PIK3CD: variants seen among roughly 807,000 people sequenced by gnomAD.
The protein encoded by PIK3CD is phosphatidylinositol-4,5-bisphosphate 3-kinase catalytic subunit delta.
A neutral mutation model predicts 122.9 loss-of-function variants in PIK3CD; 20 were observed. The ratio of observed to expected loss-of-function variants is 0.16; its 90% CI spans 0.11 to 0.24. PIK3CD has a LOEUF of 0.24. Among genes scored for constraint, PIK3CD ranks in the 10% least tolerant of loss-of-function variants. PIK3CD has a pLI of 1.00. For missense variants in PIK3CD, 787 were observed against 1,406.3 expected, an observed-to-expected ratio of 0.56 and a Z score of 7.04; for synonymous variants, 596 against 593.4, an observed-to-expected ratio of 1.00 and a Z score of -0.06.
chr1:9,627,883 A>C, the PIK3CD span, among the ~76,000 whole-genome samples: 3 of 152,216 alleles, frequency 2.0e-5, no homozygotes, highest in Non-Finnish European at 2.9e-5. Context: ...CCACGGCTAC[A>C]GGGAACAGAG....
rs1413977693 is a variant in PIK3CD, at chr1:9,720,736, C to T, written c.1522-6C>T. 1 of 1,611,362 alleles carries T rather than the reference C, an allele frequency of 6.2e-7. No homozygotes were observed. The highest frequency in any genetic ancestry group is 8.5e-7 in the Non-Finnish European group (1 of 1,179,312). ...CAGAGCCCTCACTCCTGCCCACACCCCTCAGCAGCTGCAGCTGCGGGAAAT... is the reference window on the plus strand; with the variant it reads ...CAGAGCCCTCACTCCTGCCCACACCTCTCAGCAGCTGCAGCTGCGGGAAAT... On this transcript the variant is annotated splice_region_variant and splice_polypyrimidine_tract_variant and intron_variant, in intron 12 of 23. Coordinates refer to ENST00000377346, the MANE Select transcript of PIK3CD (RefSeq NM_005026.5). This position sits in a 1 kb window ranked among gnomAD's most constrained non-coding sequence, Gnocchi z 9.0.
At chr1:9,672,146 C>T (rs748151870) in intron 1 of PIK3CD, among the ~76,000 whole-genome samples, 36 of 152,152 alleles carry the variant, frequency 2.4e-4, no homozygotes, top group Non-Finnish European at 3.7e-4. Flanking sequence ...GACCTGCAGC[C>T]GCCCACCCCA....
At chr1:9,682,612 C>T (rs1202814354) in intron 1 of PIK3CD, among the ~76,000 whole-genome samples, 1 of 152,188 alleles carries the variant, frequency 6.6e-6, no homozygotes, top group Non-Finnish European at 1.5e-5. Flanking sequence ...TGCAGTGGCA[C>T]GATTTCAGCT....
intron 1 of PIK3CD, among the ~76,000 whole-genome samples, chr1:9,664,493 A>C (rs140121566): frequency 6.6e-6 from 1 of 152,346 alleles, no homozygotes; most frequent in Non-Finnish European, 1.5e-5. Flanking sequence ...AGCCCTGCAC[A>C]GATACAGGGG....
chr1:9,633,423 T>C, the PIK3CD span, among the ~76,000 whole-genome samples: 1 of 152,276 alleles, frequency 6.6e-6, no homozygotes, highest in African/African-American at 2.4e-5. Flanking sequence ...TTCTCCTGCC[T>C]CAGCCTCCCT....
intron 1 of PIK3CD, among the ~76,000 whole-genome samples, chr1:9,673,405 G>A (rs1645398202): frequency 6.6e-6 from 1 of 151,996 alleles, no homozygotes; most frequent in Admixed American, 6.6e-5. Context: ...GATTACAGTC[G>A]TGCACAACGC....
rs569192532 is a variant in PIK3CD at position 9,718,990 on chromosome 1, C to A, written c.1242+75C>A. The A allele has an allele frequency of 3.9e-5, 55 of 1,394,786 alleles. 1 individual carries two copies. In the South Asian group the frequency reaches 6.1e-4, roughly 16 times the overall value. The allele number at this position is 1,394,786 out of a possible 1,614,324, so 86.4% of individuals were successfully genotyped here. ...CAGCCCCTTGCTGGGCCACTCACCA[C>A]TCTCCTCCCGGCAAGCACGCAGCCT... On this transcript the variant is annotated intron_variant, in intron 9 of 23. Transcript: ENST00000377346. This position sits in a 1 kb window ranked among gnomAD's most constrained non-coding sequence, Gnocchi z 7.2.
the PIK3CD span, among the ~76,000 whole-genome samples, chr1:9,633,511 T>A: frequency 2.7e-3 from 409 of 151,868 alleles, 4 homozygotes; most frequent in African/African-American, 9.4e-3. Flanking sequence ...GTTTCACTAT[T>A]TTGGCCAGGC....
intron 2 of PIK3CD, among the ~76,000 whole-genome samples, chr1:9,703,611 A>T (rs765066761): frequency 5.9e-5 from 9 of 152,102 alleles, no homozygotes; most frequent in Admixed American, 1.3e-4. Context: ...ATGAACACAT[A>T]TTTTTTTTGT....
intron 1 of PIK3CD, chr1:9,653,395 A>C (rs1644737952): frequency 5.2e-6 from 1 of 193,890 alleles, no homozygotes; most frequent in African/African-American, 2.4e-5. Context: ...GGCTCAGAAA[A>C]GTTAAATAAC....
chr1:9,634,893 G>T, the PIK3CD span, among the ~76,000 whole-genome samples: 1 of 152,136 alleles, frequency 6.6e-6, no homozygotes, highest in African/African-American at 2.4e-5. Context: ...CCCAAAATTT[G>T]TGCTTACCCA....
rs1242742217 is a variant in PIK3CD at position 9,652,408 on chromosome 1, C to T, written c.-138+606C>T. 6.6e-6 allele frequency among the ~76,000 whole-genome samples: 1 copy of T among 152,088 alleles called. No individual in the cohort carries two copies. Among genetic ancestry groups the T allele is most frequent in the African/African-American group, 2.4e-5 (1 of 41,426 alleles). Reference sequence around the variant, plus strand: ...GCAGAGGGGCCGGGGTGGAAGTTTTCGGGGCTTCCTCCCGGCTCGTGGACC... The same window carrying T: ...GCAGAGGGGCCGGGGTGGAAGTTTTTGGGGCTTCCTCCCGGCTCGTGGACC... On this transcript the variant is annotated intron_variant, in intron 1 of 23. Coordinates refer to ENST00000377346, the MANE Select transcript of PIK3CD (RefSeq NM_005026.5). This position sits in a 1 kb window ranked among gnomAD's most constrained non-coding sequence, Gnocchi z 6.2.
Position 9,722,228 on chromosome 1 carries a change from C to G in PIK3CD, c.2235-16C>G. 6.2e-7 allele frequency: 1 copy of G among 1,611,840 alleles called. No homozygotes were observed. Among genetic ancestry groups the G allele is most frequent in the Non-Finnish European group, 8.5e-7 (1 of 1,179,054 alleles). On this transcript the variant is annotated splice_polypyrimidine_tract_variant and intron_variant, in intron 17 of 23. Transcript: ENST00000377346. This position sits in a 1 kb window ranked among gnomAD's most constrained non-coding sequence, Gnocchi z 7.6. ...TAGAGGAGCCCCTGCTGACTGCCCGCTCTCTGGCCTGGCAGCGTGGAGCAG... is the reference window on the plus strand; with the variant it reads ...TAGAGGAGCCCCTGCTGACTGCCCGGTCTCTGGCCTGGCAGCGTGGAGCAG...
In PIK3CD at chr1:9,716,460, G is replaced by A; in HGVS notation, c.621G>A (p.Val207=). The A allele has an allele frequency of 1.9e-6, 3 of 1,611,092 alleles. No individual in the cohort carries two copies. Among genetic ancestry groups the A allele is most frequent in the Non-Finnish European group, 1.7e-6 (2 of 1,179,926 alleles). Residue 207 remains valine (V), a synonymous_variant, in exon 6 of 24, where the codon GTG becomes GTA. Transcript: ENST00000377346. ...CACAGGAGAGCTTCACCTTCCAGGT[G>A]TCCACCAAGGACGTGCCGCTGGCGC... is the stretch of plus-strand genomic sequence containing the variant. The part of the protein sequence containing the change: ...EGSEESFTFQ[V]STKDVPLALM...
intron 2 of PIK3CD, among the ~76,000 whole-genome samples, chr1:9,706,850 G>A (rs1198975588): frequency 4.1e-5 from 6 of 145,694 alleles, no homozygotes; most frequent in Admixed American, 6.9e-5. Context: ...TGATTTTGCT[G>A]TATTGCCAAG....
chr1:9,673,845 G>A (rs1477192436), intron 1 of PIK3CD, among the ~76,000 whole-genome samples: 1 of 152,098 alleles, frequency 6.6e-6, no homozygotes, highest in Non-Finnish European at 1.5e-5. Context: ...TTTTCTTCAT[G>A]GAATCAGCTC....
Position 9,724,745 on chromosome 1 carries a change from C to T in PIK3CD, c.2865-59C>T, listed in dbSNP as rs1418919837. On this transcript the variant is annotated intron_variant, in intron 22 of 23. Transcript: ENST00000377346. The surrounding 1 kb of genome is among the most constrained non-coding windows in gnomAD (Gnocchi z 7.3). ...AAGGGGCTGGTTGGATGCAGAGCGG[C>T]CCTCTGGCCTGTGGCTGGGAGTTCC... 6.2e-7 allele frequency: 1 copy of T among 1,608,112 alleles called. No homozygotes were observed. Among genetic ancestry groups the T allele is most frequent in the Non-Finnish European group, 8.5e-7 (1 of 1,176,730 alleles).
At chr1:9,708,383 T>C (rs1464443931) in intron 2 of PIK3CD, among the ~76,000 whole-genome samples, 2 of 151,872 alleles carry the variant, frequency 1.3e-5, no homozygotes, top group East Asian at 3.9e-4. Context: ...GATTTTGCCA[T>C]GTTGGCCAGG....
At position 9,717,426 on chromosome 1, in the gene PIK3CD, C is replaced by T; in HGVS notation, c.931-111C>T. ...TTGTGGACAGGCCCAAACCTGGCCG[C>T]AAACCTGTGACCCTCTCACCCGCCC... On this transcript the variant is annotated intron_variant, in intron 7 of 23. Coordinates refer to ENST00000377346, the MANE Select transcript of PIK3CD (RefSeq NM_005026.5). The surrounding 1 kb of genome is among the most constrained non-coding windows in gnomAD (Gnocchi z 5.4). 1 of 1,111,574 alleles carries T rather than the reference C, an allele frequency of 9.0e-7. No homozygotes were observed. Among genetic ancestry groups the T allele is most frequent in the Non-Finnish European group, 1.4e-6 (1 of 731,702 alleles). The allele number at this position is 1,111,574 out of a possible 1,614,324, so 68.9% of individuals were successfully genotyped here. A position where few individuals can be genotyped will look rare whatever the true frequency, so the allele number is the denominator to read the frequency against.
Sources: allele counts gnomAD v4.1 joint callset (sites outside exome capture counted in the v4.1 genomes callset), GRCh38; gene constraint gnomAD v4.1.1; non-coding constraint Gnocchi (gnomAD v3.1); transcripts MANE v1.5; gene names NCBI Gene and HGNC (gene_info 2026-07-23, HGNC 2026-07-21).